Variants in STRN observed in about 807,000 individuals in gnomAD.
STRN encodes the protein striatin, also known as protein phosphatase 2 regulatory subunit B'''alpha.
A neutral mutation model predicts 96.3 loss-of-function variants in STRN; 53 were observed. The ratio of observed to expected loss-of-function variants is 0.55; its 90% CI spans 0.44 to 0.69. The LOEUF (loss-of-function observed/expected upper bound fraction) is 0.69, where lower values mean the gene tolerates loss of function less well. STRN is among the 30% of genes least tolerant of loss of function. The pLI is 0.00. For missense variants in STRN, 987 were observed against 963.9 expected, an observed-to-expected ratio of 1.02 and a Z score of -0.32; for synonymous variants, 428 against 355.9, an observed-to-expected ratio of 1.20 and a Z score of -2.28.
In STRN at chr2:36,962,750, G is replaced by A. The variant is rs542612778; in HGVS notation, c.234+3480C>T. 2.0e-5 allele frequency among the ~76,000 whole-genome samples: 3 copies of A among 152,168 alleles called. No individual in the cohort carries two copies. The South Asian group carries it at 6.2e-4, about 32-fold the overall frequency. ...TCTCGATATCTTGACCTCACGATCCGCCTGCCTTGGCCTCCCAAAGTGCTG... is the reference window on the plus strand; with the variant it reads ...TCTCGATATCTTGACCTCACGATCCACCTGCCTTGGCCTCCCAAAGTGCTG... On this transcript the variant is annotated intron_variant, in intron 1 of 17. Coordinates refer to ENST00000263918, the MANE Select transcript of STRN (RefSeq NM_003162.4).
chr2:36,939,397 T>C (rs1028273278), intron 1 of STRN, among the ~76,000 whole-genome samples: 1 of 152,170 alleles, frequency 6.6e-6, no homozygotes, highest in African/African-American at 2.4e-5. Context: ...ATATCTAGCT[T>C]TCCCACTGTG....
chr2:36,951,965 T>C (rs1558667254), intron 1 of STRN, among the ~76,000 whole-genome samples: 4 of 152,186 alleles, frequency 2.6e-5, no homozygotes, highest in Admixed American at 1.3e-4. Flanking sequence ...GAACAGCCCA[T>C]GCGAAGGATC....
chr2:36,870,501 T>A (rs974070109), intron 10 of STRN, among the ~76,000 whole-genome samples: 1 of 152,162 alleles, frequency 6.6e-6, no homozygotes, highest in African/African-American at 2.4e-5. Flanking sequence ...GGACCACATA[T>A]ATGATGCTGG....
intron 1 of STRN, among the ~76,000 whole-genome samples, chr2:36,964,109 A>G (rs1294345397): frequency 6.6e-6 from 1 of 150,390 alleles, no homozygotes; most frequent in Non-Finnish European, 1.5e-5. Context: ...AGATGTGTGC[A>G]TAAAAACTGA....
intron 1 of STRN, among the ~76,000 whole-genome samples, chr2:36,933,861 G>A (rs1670635471): frequency 1.3e-5 from 2 of 152,166 alleles, no homozygotes; most frequent in African/African-American, 4.8e-5. Context: ...TGTAACCCCT[G>A]CACTTTGGGA....
chr2:36,878,882 A>G (rs1668991883), intron 9 of STRN, among the ~76,000 whole-genome samples: 1 of 151,380 alleles, frequency 6.6e-6, no homozygotes, highest in African/African-American at 2.4e-5. Context: ...CCTCCCGAGT[A>G]GCTGGGATTA....
chr2:36,954,175 T>A (rs184427632), intron 1 of STRN, among the ~76,000 whole-genome samples: 1 of 152,142 alleles, frequency 6.6e-6, no homozygotes, highest in Non-Finnish European at 1.5e-5. Flanking sequence ...TTAAAATATA[T>A]ATACAGAACT....
chr2:36,858,630 A>G (rs139831588), intron 13 of STRN, among the ~76,000 whole-genome samples: 65 of 152,310 alleles, frequency 4.3e-4, no homozygotes, highest in African/African-American at 1.5e-3. Flanking sequence ...GTCTCATGAT[A>G]AAAGTCAAAT....
At chr2:36,946,015 G>C (rs1286689637) in intron 1 of STRN, among the ~76,000 whole-genome samples, 1 of 151,656 alleles carries the variant, frequency 6.6e-6, no homozygotes, top group Non-Finnish European at 1.5e-5. Flanking sequence ...CAAAGCTCTA[G>C]AGTTAATAGC....
chr2:36,858,856 A>T (rs914957468), intron 13 of STRN, among the ~76,000 whole-genome samples: 1 of 152,242 alleles, frequency 6.6e-6, no homozygotes, highest in African/African-American at 2.4e-5. Context: ...CTCAACAGAC[A>T]ATGTTGAAAG....
chr2:36,959,019 G>A (rs958105580), intron 1 of STRN, among the ~76,000 whole-genome samples: 7 of 152,176 alleles, frequency 4.6e-5, no homozygotes, highest in African/African-American at 7.2e-5. Context: ...GGGAGGCTGA[G>A]GCAGGAGAAT....
chr2:36,889,251 T>C (rs758931959), intron 7 of STRN, among the ~76,000 whole-genome samples: 11 of 152,210 alleles, frequency 7.2e-5, no homozygotes, highest in Non-Finnish European at 1.3e-4. Flanking sequence ...CTGTTTTTAA[T>C]AATTTGAGTT....
intron 4 of STRN, among the ~76,000 whole-genome samples, chr2:36,905,000 G>C (rs1218039011): frequency 7.1e-6 from 1 of 140,650 alleles, no homozygotes; most frequent in Non-Finnish European, 1.5e-5. Flanking sequence ...ATGAAGTTTC[G>C]CTCTTGTTGC....
intron 1 of STRN, among the ~76,000 whole-genome samples, chr2:36,947,976 T>A (rs1490663783): frequency 6.6e-6 from 1 of 151,978 alleles, no homozygotes; most frequent in Admixed American, 6.6e-5. Flanking sequence ...TTGGCTAATT[T>A]TTTTTAAATT....
chr2:36,942,858 G>C (rs1670880485), intron 1 of STRN, among the ~76,000 whole-genome samples: 1 of 150,914 alleles, frequency 6.6e-6, no homozygotes, highest in South Asian at 2.1e-4. Flanking sequence ...ACCACACCCA[G>C]CTAATTTTTG....
At chr2:36,863,784 A>T (rs952417579) in intron 12 of STRN, among the ~76,000 whole-genome samples, 2 of 152,350 alleles carry the variant, frequency 1.3e-5, no homozygotes, top group South Asian at 4.1e-4. Flanking sequence ...CTTTCTATCC[A>T]TGAGCATGGA....
intron 1 of STRN, among the ~76,000 whole-genome samples, chr2:36,962,758 T>C (rs148085009): frequency 0.087 from 13,259 of 152,204 alleles, 682 homozygotes; most frequent in South Asian, 0.14. Flanking sequence ...CCGCCTGCCT[T>C]GGCCTCCCAA....
In STRN at chr2:36,844,635, A is replaced by G. The variant is rs935914347; in HGVS notation, c.*4821T>C. The stretch of plus-strand genomic sequence containing the variant: ...CACTTTAGGAATACCGCCAGAATCA[A>G]TGAGTGGGATCTAGGGATCTGTTTG... On this transcript the variant is annotated 3_prime_UTR_variant, in exon 18 of 18. Transcript: ENST00000263918. 1 of 152,146 alleles carries G rather than the reference A, an allele frequency of 6.6e-6. No individual in the cohort carries two copies. The highest frequency in any genetic ancestry group is 2.4e-5 in the African/African-American group (1 of 41,440). 9.4% of individuals were successfully genotyped at this position (152,146 alleles called of 1,614,324 possible).
rs1572611588 is a variant in STRN, at chr2:36,839,513, C to G, written c.*9943G>C. 6.6e-6 allele frequency among the ~76,000 whole-genome samples: 1 copy of G among 152,170 alleles called. No individual in the cohort carries two copies. The highest frequency in any genetic ancestry group is 2.4e-5 in the African/African-American group (1 of 41,438). ...CAGAAGTCTGTATTCAGAGAGTGAA[C>G]AAGTCATTTGCTGGATGCTTATTTT... On this transcript the variant is annotated 3_prime_UTR_variant, in exon 18 of 18. Transcript: ENST00000263918.
Sources: gnomAD v4.1 joint callset for allele counts (sites outside exome capture counted in the v4.1 genomes callset) on GRCh38, gnomAD v4.1.1 for gene constraint, MANE v1.5 for transcripts, NCBI Gene and HGNC (gene_info 2026-07-23, HGNC 2026-07-21) for gene names.